Variants in PLEKHG5 observed in about 807,000 individuals in gnomAD.
PLEKHG5 encodes pleckstrin homology domain-containing family G member 5.
Under a neutral mutation model 103.8 loss-of-function variants are expected in PLEKHG5, and 52 were observed. The ratio of observed to expected loss-of-function variants is 0.50; its 90% confidence interval spans 0.40 to 0.63. The LOEUF is 0.63. PLEKHG5 is among the 30% of genes least tolerant of loss of function. The pLI is 0.00. For missense variants in PLEKHG5, 1,205 were observed against 1,347.6 expected, an observed-to-expected ratio of 0.89 and a Z score of 1.66; for synonymous variants, 592 against 575.5, an observed-to-expected ratio of 1.03 and a Z score of -0.41.
Position 6,473,251 on chromosome 1 carries a change from C to T in PLEKHG5, c.795G>A (p.Arg265=). ...ACCCTGGGCAGATGGGGCCACATAC[C>T]CGGCCAAAGGCGCTGGTGCTGGGGC... is the stretch of plus-strand genomic sequence containing the variant. ...SSGPSTSAFG[R]EVDKMEQLEG... Residue 265 remains arginine (R), a splice_region_variant and synonymous_variant, in exon 8 of 21, where the codon CGG becomes CGA. Coordinates refer to ENST00000377728, the MANE Select transcript of PLEKHG5 (RefSeq NM_020631.6). 1 of 1,611,648 alleles carries T rather than the reference C, an allele frequency of 6.2e-7. No individual in the cohort carries two copies. The highest frequency in any genetic ancestry group is 1.3e-5 in the African/African-American group (1 of 75,042).
At chr1:6,497,004 G>C (rs1645235925), upstream of PLEKHG5, 1 of 1,526,836 alleles carries the variant, frequency 6.5e-7, no homozygotes, top group East Asian at 2.5e-5. This position sits in a 1 kb window ranked among gnomAD's most constrained non-coding sequence, Gnocchi z 6.1. Context: ...CCGAAGGTCT[G>C]GGGCGACCCC....
intron 1 of PLEKHG5, among the ~76,000 whole-genome samples, chr1:6,511,003 C>T (rs7549669): frequency 0.012 from 1,899 of 152,108 alleles, 43 homozygotes; most frequent in African/African-American, 0.044. Flanking sequence ...GCAGGAGAGT[C>T]GCTTGAACCT....
rs758693239 is a variant in PLEKHG5, at chr1:6,470,488, G to A, written c.1680+18C>T. 9.3e-6 allele frequency: 15 copies of A among 1,610,580 alleles called. No individual in the cohort carries two copies. Among genetic ancestry groups the A allele is most frequent in the Non-Finnish European group, 1.3e-5 (15 of 1,179,962 alleles). On this transcript the variant is annotated intron_variant, in intron 15 of 20. Transcript: ENST00000377728. ...TCCTCTCTCCCAGCCGGCAACCCCC[G>A]CAGACACACACGCCCACCTTGTCCA...
intron 1 of PLEKHG5, chr1:6,485,619 T>G: frequency 2.4e-6 from 1 of 418,622 alleles, no homozygotes; most frequent in Non-Finnish European, 3.2e-6. Flanking sequence ...GCCCGGGCCC[T>G]CGCCACCCAG....
At chr1:6,476,578 A>G (rs924834876) in intron 2 of PLEKHG5, among the ~76,000 whole-genome samples, 6 of 152,126 alleles carry the variant, frequency 3.9e-5, no homozygotes, top group Non-Finnish European at 8.8e-5. Flanking sequence ...CCCCAAAAAC[A>G]AACTCACCTG....
At chr1:6,477,899 G>C (rs992202094) in intron 1 of PLEKHG5, among the ~76,000 whole-genome samples, 1 of 149,012 alleles carries the variant, frequency 6.7e-6, no homozygotes, top group Admixed American at 6.8e-5. Context: ...TTCTTTTTCT[G>C]AGACAGAGTC....
upstream of PLEKHG5, chr1:6,491,690 G>A: frequency 4.1e-6 from 4 of 985,348 alleles, no homozygotes; most frequent in Non-Finnish European, 4.8e-6. This position sits in a 1 kb window ranked among gnomAD's most constrained non-coding sequence, Gnocchi z 4.1. Flanking sequence ...TCCTCTCCCT[G>A]GTCTTCATCT....
chr1:6,517,239 G>A lies in PLEKHG5; in HGVS notation c.-165+2206C>T, dbSNP rs1479472824. ...GAAGAATGGCATGAACCTGAGAGGCGGAGGTTACAGTGAGCCGAGATCGCG... is the reference window on the plus strand; with the variant it reads ...GAAGAATGGCATGAACCTGAGAGGCAGAGGTTACAGTGAGCCGAGATCGCG... On this transcript the variant is annotated intron_variant, in intron 1 of 21. Transcript: ENST00000377740. Among the ~76,000 whole-genome samples, 9 of 150,956 alleles carry A rather than the reference G, an allele frequency of 6.0e-5. No homozygotes were observed. The South Asian group carries it at 6.3e-4, about 11-fold the overall frequency.
Position 6,467,173 on chromosome 1 carries a change from A to G in PLEKHG5, c.*390T>C. ...GAACCAAAAGCTCAATAAATACGTA[A>G]CTTCACAGAACCCAGCCCAAGCCAG... On this transcript the variant is annotated 3_prime_UTR_variant, in exon 21 of 21. Coordinates refer to ENST00000377728, the MANE Select transcript of PLEKHG5 (RefSeq NM_020631.6). The G allele has an allele frequency of 7.4e-6, 3 of 406,568 alleles. No homozygotes were observed. The highest frequency in any genetic ancestry group is 7.1e-5 in the South Asian group (3 of 42,340). 25.2% of individuals were successfully genotyped at this position (406,568 alleles called of 1,614,324 possible).
rs1156490193 is a variant in PLEKHG5 at position 6,471,074 on chromosome 1, G to T, written c.1308C>A (p.Ile436=). The T allele has an allele frequency of 6.3e-7, 1 of 1,594,178 alleles. No homozygotes were observed. The change falls in exon 13 of 21, where the codon ATC becomes ATA. Residue 436 remains isoleucine, a synonymous_variant. Coordinates refer to ENST00000377728, the MANE Select transcript of PLEKHG5 (RefSeq NM_020631.6). ...KMFGSLFKPY[I]RYCMEEEGCM... is the part of the protein sequence containing the mutation. ...AGCCCTCCTCCTCCATGCAGTAGCG[G>T]ATGTAGGGCTTGAAGAGCGAGCCGA...
rs1443843196 is a variant in PLEKHG5, at chr1:6,470,685, G to A, written c.1543-42C>T. 6.4e-6 allele frequency: 10 copies of A among 1,553,996 alleles called. 2 individuals carry two copies. In the South Asian group the frequency reaches 1.1e-4, roughly 16 times the overall value. On this transcript the variant is annotated intron_variant, in intron 14 of 20. Coordinates refer to ENST00000377728, the MANE Select transcript of PLEKHG5 (RefSeq NM_020631.6). ...GAGCTTCAGGTCCAGGGTCATGACG[G>A]AGCAGAGAGCCGCGCAGGGGGGACG...
exon 1 of PLEKHG5, chr1:6,519,684 C>A: frequency 1.5e-6 from 1 of 662,274 alleles, no homozygotes; most frequent in Non-Finnish European, 2.7e-6. Flanking sequence ...CTGGACCTGT[C>A]TGCACAGAAA....
upstream of PLEKHG5, among the ~76,000 whole-genome samples, chr1:6,493,086 G>A (rs1645174619): frequency 6.6e-6 from 1 of 152,190 alleles, no homozygotes; most frequent in African/African-American, 2.4e-5. Flanking sequence ...GCAGGAGGTA[G>A]GGGACAGATG....
intron 1 of PLEKHG5, among the ~76,000 whole-genome samples, chr1:6,489,381 C>T (rs776081486): frequency 6.6e-6 from 1 of 152,216 alleles, no homozygotes; most frequent in Non-Finnish European, 1.5e-5. Flanking sequence ...ACCTAAGGCC[C>T]TGCCCTGTGC....
chr1:6,493,096 G>A (rs1569968522), upstream of PLEKHG5, among the ~76,000 whole-genome samples: 1 of 152,186 alleles, frequency 6.6e-6, no homozygotes, highest in East Asian at 1.9e-4. Context: ...GGGGACAGAT[G>A]GCAAATTCAT....
rs1645055931 is a variant in PLEKHG5 at position 6,487,081 on chromosome 1, A to G, written c.-88+4556T>C. On this transcript the variant is annotated intron_variant, in intron 1 of 20. Transcript: ENST00000377728. This position sits in a 1 kb window ranked among gnomAD's most constrained non-coding sequence, Gnocchi z 4.1. ...TCCACTCCCAAAGCCCAGGTCACCC[A>G]CTGTCTACACCACAGGCAGAGTTGT... Among the ~76,000 whole-genome samples the G allele has an allele frequency of 6.6e-6, 1 of 152,080 alleles. No individual in the cohort carries two copies.
intron 1 of PLEKHG5, among the ~76,000 whole-genome samples, chr1:6,518,081 T>TCC (rs1557775465): frequency 6.6e-6 from 1 of 151,478 alleles, no homozygotes; most frequent in African/African-American, 2.4e-5. Context: ...TACAGGCGCC[T>TCC]GCCACCACGC....
Position 6,468,132 on chromosome 1 carries a change from G to A in PLEKHG5, c.2704C>T (p.Leu902=). ...HGTPSAPSRS[L]SELCLAVPAP... ...GGAACAGCCAGGCAGAGCTCTGACAGGCTGCGGCTGGGGGCAGAGGGTGTC... is the reference window on the plus strand; with the variant it reads ...GGAACAGCCAGGCAGAGCTCTGACAAGCTGCGGCTGGGGGCAGAGGGTGTC... The change falls in exon 20 of 21, where the codon CTG becomes TTG. Residue 902 remains leucine, a synonymous_variant. Coordinates refer to ENST00000377728, the MANE Select transcript of PLEKHG5 (RefSeq NM_020631.6). 6.4e-7 allele frequency: 1 copy of A among 1,572,664 alleles called. No individual in the cohort carries two copies. The highest frequency in any genetic ancestry group is 8.6e-7 in the Non-Finnish European group (1 of 1,158,982).
intron 1 of PLEKHG5, chr1:6,506,120 C>T (rs1471529747): frequency 1.3e-5 from 2 of 152,758 alleles, no homozygotes. Context: ...GCAGGGCCTC[C>T]AGCTCGTAGG....
Sources: gnomAD v4.1 joint callset for allele counts (sites outside exome capture counted in the v4.1 genomes callset) on GRCh38, gnomAD v4.1.1 for gene constraint, Gnocchi (gnomAD v3.1) non-coding constraint, MANE v1.5 for transcripts, NCBI Gene and HGNC (gene_info 2026-07-23, HGNC 2026-07-21) for gene names.